The following HSD17B12 variants were observed in gnomAD, a reference collection of about 807,000 sequenced individuals.
HSD17B12 encodes very-long-chain 3-oxoacyl-CoA reductase.
Under a neutral mutation model 39.3 loss-of-function variants are expected in HSD17B12, and 32 were observed. The observed-to-expected ratio is 0.81, with a 90% CI of 0.61 to 1.09. The LOEUF (loss-of-function observed/expected upper bound fraction) is 1.09. Ranked by LOEUF, HSD17B12 falls within the 50% of genes least tolerant of loss-of-function variation. The pLI, the probability that HSD17B12 is intolerant of heterozygous loss-of-function variation, is 0.00. For synonymous variants in HSD17B12, 150 were observed against 146.7 expected (o/e 1.02, Z -0.16); for missense variants, 342 against 382.9 (o/e 0.89, Z 0.89).
intron 3 of HSD17B12, among the ~76,000 whole-genome samples, chr11:43,763,805 T>C (rs1385750059): frequency 6.6e-6 from 1 of 151,956 alleles, no homozygotes; most frequent in Non-Finnish European, 1.5e-5. Flanking sequence ...CTTTAGAAAT[T>C]GTCCAGGGCA....
At chr11:43,729,940 G>C (rs1950253559) in intron 1 of HSD17B12, among the ~76,000 whole-genome samples, 1 of 151,928 alleles carries the variant, frequency 6.6e-6, no homozygotes, top group Non-Finnish European at 1.5e-5. Context: ...AGTTATTCAT[G>C]TTCTTTCTAT....
intron 6 of HSD17B12, among the ~76,000 whole-genome samples, chr11:43,823,235 C>A (rs1951199844): frequency 6.6e-6 from 1 of 151,822 alleles, no homozygotes; most frequent in African/African-American, 2.4e-5. Flanking sequence ...CTTCACTGAG[C>A]ATTTCATTTT....
Position 43,800,786 on chromosome 11 carries a change from CTCATTCAT to C in HSD17B12, c.391+2376_391+2383del, listed in dbSNP as rs200539231. Among the ~76,000 whole-genome samples the C allele has an allele frequency of 1.4e-3, 206 of 152,132 alleles. 2 individuals are homozygous for C. The highest frequency in any genetic ancestry group is 2.0e-3 in the Admixed American group (30 of 15,280). On this transcript the variant is annotated intron_variant, in intron 4 of 10. Coordinates refer to ENST00000278353, the MANE Select transcript of HSD17B12 (RefSeq NM_016142.3). ...GCTGAGTTAACAATTTGTGCCCCTC[CTCATTCAT>C]TCATTCATTCATTCATCAATCAGTG...
At position 43,830,986 on chromosome 11, in the gene HSD17B12, T is replaced by G; in HGVS notation, c.512T>G (p.Leu171Trp). Residue 171 changes from leucine to tryptophan, a missense_variant, in exon 7 of 11, where the codon TTG becomes TGG. By Grantham distance (61) the Leu-to-Trp change is moderately conservative (BLOSUM62 -2). Coordinates refer to ENST00000278353, the MANE Select transcript of HSD17B12 (RefSeq NM_016142.3). ...NILSVCKMTQLVLPGMVERSK... is the reference protein window; with the variant it reads ...NILSVCKMTQWVLPGMVERSK... ...CTTTCTCTCTTGCAGATGACACAAT[T>G]GGTACTGCCTGGCATGGTGGAAAGG... is the stretch of plus-strand genomic sequence containing the variant. The G allele has an allele frequency of 6.2e-7, 1 of 1,607,318 alleles. No individual in the cohort carries two copies. The highest frequency in any genetic ancestry group is 8.5e-7 in the Non-Finnish European group (1 of 1,176,708).
At chr11:43,585,243 C>T in the HSD17B12 span, among the ~76,000 whole-genome samples, 7 of 152,202 alleles carry the variant, frequency 4.6e-5, no homozygotes, top group Admixed American at 6.5e-5. Context: ...CCAGCAAAAT[C>T]TCTTGCTATA....
At chr11:43,838,217 C>T in intron 7 of HSD17B12, 100 bp from the exon 8 acceptor site, 2 of 833,428 alleles carry the variant, frequency 2.4e-6, no homozygotes, top group East Asian at 4.9e-5. Flanking sequence ...AAAACAGCTA[C>T]ATTATTCTGT....
In HSD17B12 at chr11:43,784,301, A is replaced by ATATTAT. The variant is rs36168037; in HGVS notation, c.284-13978_284-13973dup. ...CACAAGTAGTTTAGGTCAGGGATTG[A>ATATTAT]TATTATTATTATTATTATTATTATT... On this transcript the variant is annotated intron_variant, in intron 3 of 10. Coordinates refer to ENST00000278353, the MANE Select transcript of HSD17B12 (RefSeq NM_016142.3). Among the ~76,000 whole-genome samples the ATATTAT allele has an allele frequency of 6.6e-3, 944 of 143,100 alleles. 6 individuals carry two copies. Among genetic ancestry groups the ATATTAT allele is most frequent in the Middle Eastern group, 0.015 (4 of 272 alleles). The allele number at this position is 143,100 out of a possible 152,430, so 93.9% of individuals were successfully genotyped here.
In HSD17B12 at chr11:43,855,189, G is replaced by A; in HGVS notation, c.880G>A (p.Val294Ile). The A allele has an allele frequency of 6.2e-7, 1 of 1,611,574 alleles. No homozygotes were observed. Among genetic ancestry groups the A allele is most frequent in the South Asian group, 1.1e-5 (1 of 90,518 alleles). The change falls in exon 11 of 11, where the codon GTC becomes ATC. Residue 294 changes from valine to isoleucine, a missense_variant. By Grantham distance (29) the Val-to-Ile change is conservative. Coordinates refer to ENST00000278353, the MANE Select transcript of HSD17B12 (RefSeq NM_016142.3). The part of the protein sequence containing the change: ...NLPSWIYLKI[V>I]MNMNKSTRAH... ...GCCTTCTTGGATTTATTTGAAAATAGTCATGAATATGAACAAGTCTACACG... is the reference window on the plus strand; with the variant it reads ...GCCTTCTTGGATTTATTTGAAAATAATCATGAATATGAACAAGTCTACACG...
intron 1 of HSD17B12, among the ~76,000 whole-genome samples, chr11:43,748,619 T>G (rs1195657936): frequency 2.0e-5 from 3 of 151,990 alleles, no homozygotes; most frequent in Non-Finnish European, 4.4e-5. Context: ...AAGTTGAAAT[T>G]AAAAAAACAA....
chr11:43,681,528 T>C (rs936891176), intron 1 of HSD17B12, among the ~76,000 whole-genome samples: 1 of 152,128 alleles, frequency 6.6e-6, no homozygotes, highest in Non-Finnish European at 1.5e-5. Flanking sequence ...ACGATTAAGA[T>C]AGTAATCGTA....
chr11:43,597,529 A>G, the HSD17B12 span, among the ~76,000 whole-genome samples: 1 of 152,182 alleles, frequency 6.6e-6, no homozygotes, highest in Non-Finnish European at 1.5e-5. Flanking sequence ...CTCTGGTGAT[A>G]ATATTAGAGT....
chr11:43,742,872 T>G (rs1950381947), intron 1 of HSD17B12, among the ~76,000 whole-genome samples: 1 of 152,104 alleles, frequency 6.6e-6, no homozygotes, highest in Non-Finnish European at 1.5e-5. Flanking sequence ...TTGGATTTGG[T>G]TTTGAGAAGT....
At chr11:43,620,885 A>G in the HSD17B12 span, among the ~76,000 whole-genome samples, 1 of 152,258 alleles carries the variant, frequency 6.6e-6, no homozygotes, top group Non-Finnish European at 1.5e-5. Context: ...AGGAACAATA[A>G]TGTAGGTTAC....
At chr11:43,718,784 A>G in intron 1 of HSD17B12, 5 of 1,060,654 alleles carry the variant, frequency 4.7e-6, no homozygotes, top group Non-Finnish European at 7.2e-6. Context: ...CAGCCACAAA[A>G]AAAAGAAGAC....
the HSD17B12 span, among the ~76,000 whole-genome samples, chr11:43,562,839 C>G: frequency 6.6e-6 from 1 of 152,198 alleles, no homozygotes; most frequent in East Asian, 1.9e-4. Context: ...GAACTCAACT[C>G]TTTTGTCCCA....
intron 1 of HSD17B12, among the ~76,000 whole-genome samples, chr11:43,733,477 A>G (rs1457371359): frequency 6.6e-6 from 1 of 152,172 alleles, no homozygotes; most frequent in African/African-American, 2.4e-5. Context: ...TAGGCACTTG[A>G]TACATTTAGA....
At chr11:43,641,418 AT>A in the HSD17B12 span, among the ~76,000 whole-genome samples, 1 of 152,044 alleles carries the variant, frequency 6.6e-6, no homozygotes, top group South Asian at 2.1e-4. Flanking sequence ...CATCTAAAAT[AT>A]TCCTAAACAC....
At chr11:43,804,847 A>G (rs1951003827) in intron 4 of HSD17B12, among the ~76,000 whole-genome samples, 1 of 152,218 alleles carries the variant, frequency 6.6e-6, no homozygotes, top group Non-Finnish European at 1.5e-5. Context: ...TACATTTTCA[A>G]AGTTTCTTAA....
chr11:43,804,017 G>T (rs1177504615), intron 4 of HSD17B12, among the ~76,000 whole-genome samples: 1 of 152,124 alleles, frequency 6.6e-6, no homozygotes, highest in African/African-American at 2.4e-5. Context: ...ACTCAGGGAG[G>T]CGTAATTTAC....
Sources: gnomAD v4.1 joint callset for allele counts (sites outside exome capture counted in the v4.1 genomes callset) on GRCh38, gnomAD v4.1.1 for gene constraint, MANE v1.5 for transcripts, NCBI Gene and HGNC (gene_info 2026-07-23, HGNC 2026-07-21) for gene names.